CCSER1: variants seen among roughly 807,000 people sequenced by gnomAD.
CCSER1 encodes the protein coiled-coil serine rich protein 1.
In CCSER1, 41 loss-of-function variants were observed where a neutral mutation model predicts 82.0. The ratio of observed to expected loss-of-function variants is 0.50; its 90% CI spans 0.39 to 0.65. The LOEUF is 0.65. Among genes scored for constraint, CCSER1 ranks in the 30% least tolerant of loss-of-function variants. The pLI is 0.00. For synonymous variants in CCSER1, 414 were observed against 383.9 expected, an observed-to-expected ratio of 1.08 and a Z score of -0.92; for missense variants, 1,119 against 1,064.2, an observed-to-expected ratio of 1.05 and a Z score of -0.72.
chr4:90,871,465 G>A (rs1280079047), intron 8 of CCSER1, among the ~76,000 whole-genome samples: 1 of 151,820 alleles, frequency 6.6e-6, no homozygotes, highest in Non-Finnish European at 1.5e-5. Flanking sequence ...CCATGGGCTT[G>A]TGTAGTTTTC....
chr4:90,766,754 G>C (rs777706192), intron 7 of CCSER1, among the ~76,000 whole-genome samples: 1 of 151,874 alleles, frequency 6.6e-6, no homozygotes, highest in Non-Finnish European at 1.5e-5. Flanking sequence ...AAAATTTCTG[G>C]ATTCCTTCTC....
chr4:91,401,341 A>G (rs1420650033), intron 10 of CCSER1, among the ~76,000 whole-genome samples: 3 of 148,302 alleles, frequency 2.0e-5, no homozygotes, highest in African/African-American at 7.3e-5. Context: ...ATTACATATA[A>G]TATACTACAT....
intron 8 of CCSER1, among the ~76,000 whole-genome samples, chr4:90,916,785 A>G (rs1727506695): frequency 6.6e-6 from 1 of 152,240 alleles, no homozygotes; most frequent in South Asian, 2.1e-4. Flanking sequence ...GCTATTATCC[A>G]GAATCTACAA....
intron 10 of CCSER1, among the ~76,000 whole-genome samples, chr4:91,209,869 A>G (rs983137740): frequency 2.6e-5 from 4 of 151,766 alleles, no homozygotes; most frequent in African/African-American, 9.7e-5. Context: ...AAATACACAT[A>G]CCTACATACA....
chr4:91,560,846 A>G (rs1293863804), intron 10 of CCSER1, among the ~76,000 whole-genome samples: 1 of 151,336 alleles, frequency 6.6e-6, no homozygotes, highest in Non-Finnish European at 1.5e-5. Context: ...AAAGAACAAC[A>G]TATTGTTCTT....
chr4:90,580,464 C>T (rs1781305733), intron 5 of CCSER1, among the ~76,000 whole-genome samples: 1 of 152,158 alleles, frequency 6.6e-6, no homozygotes. Context: ...CTGCTTTGAA[C>T]TCCCCTACCC....
intron 10 of CCSER1, among the ~76,000 whole-genome samples, chr4:91,092,792 T>G (rs1724098917): frequency 6.6e-6 from 1 of 152,096 alleles, no homozygotes; most frequent in Non-Finnish European, 1.5e-5. Flanking sequence ...GATCAGGTGT[T>G]TGAGGGAGTA....
chr4:90,391,504 A>ATATATATATATATAT (rs1751126399), intron 3 of CCSER1, among the ~76,000 whole-genome samples: 1 of 79,416 alleles, frequency 1.3e-5, no homozygotes, highest in African/African-American at 4.8e-5. Flanking sequence ...ACAGTGGGTA[A>ATATATATATATATAT]ATATATATAT....
intron 4 of CCSER1, among the ~76,000 whole-genome samples, chr4:90,419,332 C>A (rs1214741852): frequency 1.3e-5 from 2 of 151,882 alleles, no homozygotes; most frequent in Non-Finnish European, 2.9e-5. Flanking sequence ...GATAGTAATC[C>A]TGTCATACAT....
chr4:91,420,826 GAGAT>G lies in CCSER1; in HGVS notation c.2218-177734_2218-177731del, dbSNP rs745748956. Among the ~76,000 whole-genome samples the G allele has an allele frequency of 2.1e-4, 32 of 152,252 alleles. No homozygotes were observed. In the South Asian group the frequency reaches 2.7e-3, roughly 13 times the overall value. On this transcript the variant is annotated intron_variant, in intron 10 of 10. Transcript: ENST00000509176. ...AGATGAATGGATAGAAAATGTGATA[GAGAT>G]AGATAGATAGAGATATATAGATGGA...
intron 10 of CCSER1, among the ~76,000 whole-genome samples, chr4:91,389,968 T>G (rs2149348426): frequency 6.6e-6 from 1 of 152,182 alleles, no homozygotes; most frequent in South Asian, 2.1e-4. Context: ...TTTTTGTAGA[T>G]TATTTGGGAT....
intron 3 of CCSER1, among the ~76,000 whole-genome samples, chr4:90,320,670 G>A (rs1486340735): frequency 1.3e-5 from 2 of 152,006 alleles, no homozygotes; most frequent in Non-Finnish European, 2.9e-5. Context: ...AGCTCACTTC[G>A]TTTCTTATAA....
intron 6 of CCSER1, among the ~76,000 whole-genome samples, chr4:90,656,585 G>A (rs1729745094): frequency 6.6e-6 from 1 of 151,626 alleles, no homozygotes; most frequent in African/African-American, 2.4e-5. Flanking sequence ...GGCTTTTATG[G>A]TAAAATTCAG....
At chr4:91,193,676 C>T (rs1188946093) in intron 10 of CCSER1, among the ~76,000 whole-genome samples, 7 of 152,128 alleles carry the variant, frequency 4.6e-5, no homozygotes. Context: ...TCATTTCCAC[C>T]AGTCAAAGCT....
intron 10 of CCSER1, among the ~76,000 whole-genome samples, chr4:91,100,271 T>C (rs2148848422): frequency 6.6e-6 from 1 of 152,270 alleles, no homozygotes; most frequent in Admixed American, 6.5e-5. Flanking sequence ...TAATAATTGT[T>C]CCTGTTTCAA....
intron 10 of CCSER1, among the ~76,000 whole-genome samples, chr4:91,388,696 T>A (rs1164980185): frequency 6.6e-6 from 1 of 152,106 alleles, no homozygotes; most frequent in South Asian, 2.1e-4. Flanking sequence ...AAAGACAGTT[T>A]TATTTCTTCC....
chr4:90,545,707 G>A (rs777271114), intron 5 of CCSER1, among the ~76,000 whole-genome samples: 37 of 152,152 alleles, frequency 2.4e-4, no homozygotes, highest in Non-Finnish European at 5.0e-4. Flanking sequence ...TATCCATTTG[G>A]TTCAAGCATG....
At chr4:91,527,968 G>A (rs1760846377) in intron 10 of CCSER1, among the ~76,000 whole-genome samples, 2 of 152,090 alleles carry the variant, frequency 1.3e-5, no homozygotes. Flanking sequence ...AGGCTGGAGT[G>A]CAGTGTCGCG....
At chr4:90,872,904 C>T (rs1212444816) in intron 8 of CCSER1, among the ~76,000 whole-genome samples, 1 of 151,958 alleles carries the variant, frequency 6.6e-6, no homozygotes, top group African/African-American at 2.4e-5. Flanking sequence ...GCCACCCTCT[C>T]CTGGCATATC....
Sources: gnomAD v4.1 joint callset for allele counts (sites outside exome capture counted in the v4.1 genomes callset) on GRCh38, gnomAD v4.1.1 for gene constraint, MANE v1.5 for transcripts, NCBI Gene and HGNC (gene_info 2026-07-23, HGNC 2026-07-21) for gene names.